Variants in VAPA observed in about 807,000 individuals in gnomAD.
VAPA encodes vesicle-associated membrane protein-associated protein A.
In VAPA, 6 loss-of-function variants were observed where a neutral mutation model predicts 25.6. The ratio of observed to expected loss-of-function variants is 0.23; its 90% CI spans 0.13 to 0.46. The LOEUF (loss-of-function observed/expected upper bound fraction) is 0.46, where lower values mean the gene tolerates loss of function less well. VAPA is among the 20% of genes least tolerant of loss of function. VAPA has a pLI of 0.99. For synonymous variants in VAPA, 112 were observed against 106.2 expected, an observed-to-expected ratio of 1.05 and a Z score of -0.34; for missense variants, 244 against 302.1, an observed-to-expected ratio of 0.81 and a Z score of 1.43.
chr18:9,929,844 C>T (rs553458626), intron 1 of VAPA, among the ~76,000 whole-genome samples: 2 of 152,216 alleles, frequency 1.3e-5, no homozygotes, highest in African/African-American at 4.8e-5. Context: ...ACGTTTTACT[C>T]GCAAGTTAAC....
Position 9,957,384 on chromosome 18 carries a change from G to A in VAPA, c.*3173G>A, listed in dbSNP as rs1183626257. ...CTAAAGTTGATATTATTTGGTATGGGAATTACTTTTGAACTGTAATCTTTC... is the reference window on the plus strand; with the variant it reads ...CTAAAGTTGATATTATTTGGTATGGAAATTACTTTTGAACTGTAATCTTTC... On this transcript the variant is annotated 3_prime_UTR_variant, in exon 6 of 6. Transcript: ENST00000400000. The A allele has an allele frequency of 6.6e-6, 1 of 152,138 alleles. No individual in the cohort carries two copies. Among genetic ancestry groups the A allele is most frequent in the African/African-American group, 2.4e-5 (1 of 41,414 alleles). 9.4% of individuals were successfully genotyped at this position (152,138 alleles called of 1,614,324 possible). A position where few individuals can be genotyped will look rare whatever the true frequency, so the allele number is the denominator to read the frequency against.
At position 9,914,161 on chromosome 18, in the gene VAPA, T is replaced by A; in HGVS notation, c.-96T>A. On this transcript the variant is annotated 5_prime_UTR_variant, in exon 1 of 6. Transcript: ENST00000400000. Reference sequence around the variant, plus strand: ...CTCGGGAGCCGCGAGCCTGGCCTCGTCCTAGAGCTCGGCCGAGCCGTCGCC... The same window carrying A: ...CTCGGGAGCCGCGAGCCTGGCCTCGACCTAGAGCTCGGCCGAGCCGTCGCC... 1 of 1,149,034 alleles carries A rather than the reference T, an allele frequency of 8.7e-7. No homozygotes were observed. The highest frequency in any genetic ancestry group is 1.2e-6 in the Non-Finnish European group (1 of 818,976). 71.2% of individuals were successfully genotyped at this position (1,149,034 alleles called of 1,614,324 possible).
chr18:9,954,378 A>G lies in VAPA; in HGVS notation c.*167A>G, dbSNP rs766175183. On this transcript the variant is annotated 3_prime_UTR_variant, in exon 6 of 6. Transcript: ENST00000400000. ...TGATCTCTTACGGTTAGAAAACACA[A>G]TAAAAACAAACTGTTCGGCTACTGG... 81 of 607,174 alleles carry G rather than the reference A, an allele frequency of 1.3e-4. 1 individual carries two copies. Among genetic ancestry groups the G allele is most frequent in the Non-Finnish European group, 1.6e-4 (56 of 355,064 alleles). The allele number at this position is 607,174 out of a possible 1,614,324, so 37.6% of individuals were successfully genotyped here.
intron 5 of VAPA, 90 bp downstream of exon 5, chr18:9,950,658 A>C: frequency 7.0e-7 from 1 of 1,433,978 alleles, no homozygotes; most frequent in Non-Finnish European, 9.4e-7. Context: ...TAGCTTTTAA[A>C]TTTTTGCTTG....
chr18:9,918,613 C>T (rs1457690032), intron 1 of VAPA, among the ~76,000 whole-genome samples: 1 of 152,120 alleles, frequency 6.6e-6, no homozygotes, highest in Non-Finnish European at 1.5e-5. Flanking sequence ...GTGGCATTTT[C>T]CTCAAATGCT....
In VAPA at chr18:9,957,876, A is replaced by C. The variant is rs191199003; in HGVS notation, c.*3665A>C. ...TAGGAAGTGAGAACAGCTGATTTTC[A>C]TGCCACGTTTCATAGCCCCACTTTT... is the stretch of plus-strand genomic sequence containing the variant. On this transcript the variant is annotated 3_prime_UTR_variant, in exon 6 of 6. Transcript: ENST00000400000. The C allele has an allele frequency of 3.3e-5, 5 of 152,366 alleles. No individual in the cohort carries two copies. The highest frequency in any genetic ancestry group is 7.3e-5 in the Non-Finnish European group (5 of 68,032). The allele number at this position is 152,366 out of a possible 1,614,324, so 9.4% of individuals were successfully genotyped here. A position where few individuals can be genotyped will look rare whatever the true frequency, so the allele number is the denominator to read the frequency against.
At chr18:9,936,589 C>A in intron 3 of VAPA, 1 of 201,608 alleles carries the variant, frequency 5.0e-6, no homozygotes, top group Non-Finnish European at 9.8e-6. Flanking sequence ...AAAACCACCA[C>A]AACAAAAATG....
intron 1 of VAPA, among the ~76,000 whole-genome samples, chr18:9,916,201 A>C (rs1352644192): frequency 6.6e-6 from 1 of 152,228 alleles, no homozygotes; most frequent in Non-Finnish European, 1.5e-5. Flanking sequence ...AGCAAGTTTA[A>C]AAAACAAGCA....
intron 2 of VAPA, among the ~76,000 whole-genome samples, chr18:9,933,830 G>T (rs1006279201): frequency 6.6e-6 from 1 of 152,112 alleles, no homozygotes; most frequent in Admixed American, 6.5e-5. Context: ...GAGCCACTGC[G>T]CCTGGCCAGA....
Position 9,956,106 on chromosome 18 carries a change from T to C in VAPA, c.*1895T>C, listed in dbSNP as rs29098. The C allele has an allele frequency of 6.6e-6, 1 of 152,202 alleles. No individual in the cohort carries two copies. The highest frequency in any genetic ancestry group is 6.5e-5 in the Admixed American group (1 of 15,280). 9.4% of individuals were successfully genotyped at this position (152,202 alleles called of 1,614,324 possible). The stretch of plus-strand genomic sequence containing the variant: ...TTAGCCAAATCCCGTTTTATGGGAA[T>C]GCTCTTTAGAATTCATTTTGTTCAG... On this transcript the variant is annotated 3_prime_UTR_variant, in exon 6 of 6. Coordinates refer to ENST00000400000, the MANE Select transcript of VAPA (RefSeq NM_194434.3).
chr18:9,936,009 G>A, intron 2 of VAPA, 101 bp from the exon 3 acceptor site: 1 of 794,886 alleles, frequency 1.3e-6, no homozygotes, highest in Non-Finnish European at 1.8e-6. Flanking sequence ...TACGGTTTAA[G>A]GCAAATCCCA....
At position 9,956,627 on chromosome 18, in the gene VAPA, A is replaced by G. The variant is rs1238300446; in HGVS notation, c.*2416A>G. The G allele has an allele frequency of 1.3e-5, 2 of 152,640 alleles. No homozygotes were observed. The highest frequency in any genetic ancestry group is 4.8e-5 in the African/African-American group (2 of 41,454). 9.5% of individuals were successfully genotyped at this position (152,640 alleles called of 1,614,324 possible). On this transcript the variant is annotated 3_prime_UTR_variant, in exon 6 of 6. Transcript: ENST00000400000. ...CTGTTATTTTTAATTGCTGTATGAA[A>G]TGTGATCAGATTATTTTACTACCAA...
At chr18:9,943,541 A>G (rs891469703) in intron 4 of VAPA, among the ~76,000 whole-genome samples, 1 of 152,134 alleles carries the variant, frequency 6.6e-6, no homozygotes, top group African/African-American at 2.4e-5. Context: ...TGTTCCCTGT[A>G]TTGTTGACAG....
intron 1 of VAPA, chr18:9,925,196 G>C (rs1197942995): frequency 6.6e-6 from 1 of 152,064 alleles, no homozygotes; most frequent in Non-Finnish European, 1.5e-5. Context: ...ATTTTGGAGA[G>C]TTTTCATGAT....
chr18:9,927,605 A>C (rs1567893798), intron 1 of VAPA, among the ~76,000 whole-genome samples: 1 of 151,978 alleles, frequency 6.6e-6, no homozygotes, highest in Non-Finnish European at 1.5e-5. Flanking sequence ...ACACATATGG[A>C]CTGACTAAAA....
intron 1 of VAPA, among the ~76,000 whole-genome samples, chr18:9,926,701 G>A (rs965662255): frequency 6.6e-6 from 1 of 152,090 alleles, no homozygotes; most frequent in Non-Finnish European, 1.5e-5. Context: ...TTCATAGTGG[G>A]CTGCACAGAA....
chr18:9,942,751 ACT>A (rs748765010), intron 4 of VAPA, among the ~76,000 whole-genome samples: 3 of 151,922 alleles, frequency 2.0e-5, no homozygotes, highest in East Asian at 1.9e-4. Context: ...GCAGTGCTAC[ACT>A]CTTTTTAACA....
rs889269416 is a variant in VAPA, at chr18:9,954,395, G to A, written c.*184G>A. The A allele has an allele frequency of 7.0e-6, 4 of 569,490 alleles. No individual in the cohort carries two copies. Among genetic ancestry groups the A allele is most frequent in the South Asian group, 2.4e-5 (1 of 40,932 alleles). The allele number at this position is 569,490 out of a possible 1,614,324, so 35.3% of individuals were successfully genotyped here. On this transcript the variant is annotated 3_prime_UTR_variant, in exon 6 of 6. Coordinates refer to ENST00000400000, the MANE Select transcript of VAPA (RefSeq NM_194434.3). Reference sequence around the variant, plus strand: ...AAAACACAATAAAAACAAACTGTTCGGCTACTGGACAGGTTGTATATTACC... The same window carrying A: ...AAAACACAATAAAAACAAACTGTTCAGCTACTGGACAGGTTGTATATTACC...
chr18:9,915,371 G>A (rs2069103657), intron 1 of VAPA, among the ~76,000 whole-genome samples: 1 of 152,232 alleles, frequency 6.6e-6, no homozygotes, highest in Admixed American at 6.5e-5. Context: ...GAATCCCAGG[G>A]GCTTTTGGTC....
Sources: allele counts gnomAD v4.1 joint callset (sites outside exome capture counted in the v4.1 genomes callset), GRCh38; gene constraint gnomAD v4.1.1; transcripts MANE v1.5; gene names NCBI Gene and HGNC (gene_info 2026-07-23, HGNC 2026-07-21).